JADE1: variants seen among roughly 807,000 people sequenced by gnomAD.
JADE1 encodes the protein protein Jade-1.
JADE1 carries 14 observed loss-of-function variants against 81.8 expected under a neutral mutation model. The ratio of observed to expected loss-of-function variants is 0.17; its 90% CI spans 0.11 to 0.27. The LOEUF (loss-of-function observed/expected upper bound fraction) is 0.27, where lower values mean the gene tolerates loss of function less well. JADE1 is among the 10% of genes least tolerant of loss of function. The probability of loss-of-function intolerance (pLI) is 1.00; values close to 1 mark genes in which losing one functional copy is unlikely to be tolerated. For missense variants in JADE1, 690 were observed against 1,047.9 expected (o/e 0.66, Z 4.71); for synonymous variants, 353 against 391.9 (o/e 0.90, Z 1.17).
At chr4:128,862,585 G>T (rs1477164834) in intron 9 of JADE1, 7 of 1,078,492 alleles carry the variant, frequency 6.5e-6, no homozygotes, top group Non-Finnish European at 7.9e-6. Flanking sequence ...ACTCAGGATG[G>T]TTTACAGACT....
intron 1 of JADE1, among the ~76,000 whole-genome samples, chr4:128,831,261 T>C (rs1728525551): frequency 6.6e-6 from 1 of 152,138 alleles, no homozygotes; most frequent in East Asian, 1.9e-4. Context: ...TTTAGTAAAA[T>C]TTGCCTGAGA....
intron 1 of JADE1, among the ~76,000 whole-genome samples, chr4:128,813,407 C>CTTTTTTTTTTTTTTTTTT (rs72296886): frequency 4.3e-5 from 5 of 115,568 alleles, no homozygotes; most frequent in East Asian, 2.5e-4. Flanking sequence ...CTTACGGTCA[C>CTTTTTTTTTTTTTTTTTT]TTTTTTTTTT....
chr4:128,863,464 C>T (rs1490069700), intron 9 of JADE1: 2 of 983,972 alleles, frequency 2.0e-6, no homozygotes, highest in African/African-American at 1.8e-5. Context: ...TCATGGAGAC[C>T]TGCATGGCCC....
chr4:128,840,189 T>C (rs1013570231), intron 2 of JADE1, among the ~76,000 whole-genome samples: 1 of 152,218 alleles, frequency 6.6e-6, no homozygotes, highest in African/African-American at 2.4e-5. Context: ...TTGGGTTGTG[T>C]TCTATGCCAG....
intron 8 of JADE1, among the ~76,000 whole-genome samples, chr4:128,859,473 G>A (rs1327093826): frequency 1.3e-5 from 2 of 151,162 alleles, no homozygotes; most frequent in Admixed American, 1.3e-4. Flanking sequence ...GTATGCACAT[G>A]AGTATGCATG....
chr4:128,854,147 G>A (rs1730599951), intron 6 of JADE1, among the ~76,000 whole-genome samples: 1 of 151,654 alleles, frequency 6.6e-6, no homozygotes, highest in Non-Finnish European at 1.5e-5. Context: ...CAACCCCTGT[G>A]TTATCAGTGA....
chr4:128,842,983 G>T lies in JADE1; in HGVS notation c.83G>T (p.Arg28Leu). 1.2e-6 allele frequency: 2 copies of T among 1,613,954 alleles called. No homozygotes were observed. The highest frequency in any genetic ancestry group is 4.5e-5 in the East Asian group (2 of 44,864). ...SLSTTWSQNSRSQHRRSSCSR... is the reference protein window; with the variant it reads ...SLSTTWSQNSLSQHRRSSCSR... ...TCAACTACTTGGTCCCAGAATTCCC[G>T]ATCCCAGCATAGGAGAAGCTCCTGC... The change falls in exon 3 of 11, where the codon CGA becomes CTA. Residue 28 changes from arginine (R) to leucine (L), a missense_variant. By Grantham distance (102) the Arg-to-Leu change is moderately radical. This residue lies in a region of JADE1 where 59 missense variants were observed against 52.8 expected (regional missense o/e 1.12). Coordinates refer to ENST00000226319, the MANE Select transcript of JADE1 (RefSeq NM_199320.4).
chr4:128,830,026 C>T lies in JADE1; in HGVS notation c.-26-1707C>T, dbSNP rs547328429. On this transcript the variant is annotated intron_variant, in intron 1 of 10. Transcript: ENST00000226319. ...CTGAGTAGCTGGGATTACAGATGCG[C>T]GCCACCACGCACGGCTAATTTTTGT... 1.8e-4 allele frequency among the ~76,000 whole-genome samples: 27 copies of T among 149,680 alleles called. No homozygotes were observed. In the East Asian group the frequency reaches 3.2e-3, roughly 18 times the overall value.
At chr4:128,854,683 C>G (rs1011167025) in intron 6 of JADE1, among the ~76,000 whole-genome samples, 4 of 152,314 alleles carry the variant, frequency 2.6e-5, no homozygotes, top group East Asian at 3.9e-4. Context: ...CTGTGACTCT[C>G]GACTTCCTGA....
Position 128,872,276 on chromosome 4 carries a change from A to T in JADE1, c.*14A>T, listed in dbSNP as rs367689403. On this transcript the variant is annotated 3_prime_UTR_variant, in exon 11 of 11. Coordinates refer to ENST00000226319, the MANE Select transcript of JADE1 (RefSeq NM_199320.4). ...TTGGCTTCTTGATGCAACAGAGATG[A>T]TGCGGAAGCCCTTTGGGCTCGTCAT... 2.1e-4 allele frequency: 334 copies of T among 1,608,816 alleles called. No homozygotes were observed. The highest frequency in any genetic ancestry group is 2.6e-4 in the Non-Finnish European group (304 of 1,176,120).
At chr4:128,826,195 CAG>C (rs1486727022) in intron 1 of JADE1, among the ~76,000 whole-genome samples, 2 of 152,160 alleles carry the variant, frequency 1.3e-5, no homozygotes, top group East Asian at 3.8e-4. Context: ...AACAGAATGT[CAG>C]GGTGAGCCGT....
chr4:128,864,423 C>T, intron 9 of JADE1: 5 of 984,724 alleles, frequency 5.1e-6, no homozygotes, highest in Non-Finnish European at 6.0e-6. Context: ...TGGGATTACG[C>T]CACTGTACCC....
chr4:128,857,547 A>G, intron 8 of JADE1, 93 bp downstream of exon 8: 1 of 978,760 alleles, frequency 1.0e-6, no homozygotes, highest in Non-Finnish European at 1.6e-6. Context: ...AAGGGTTTGG[A>G]GAGGGGACTA....
At chr4:128,862,721 C>T (rs1285914742) in intron 9 of JADE1, 16 of 1,005,502 alleles carry the variant, frequency 1.6e-5, no homozygotes, top group Non-Finnish European at 1.8e-5. Flanking sequence ...CTAAGCACGG[C>T]TGCTCACTGG....
chr4:128,826,666 G>C (rs1728104953), intron 1 of JADE1, among the ~76,000 whole-genome samples: 1 of 151,732 alleles, frequency 6.6e-6, no homozygotes, highest in Non-Finnish European at 1.5e-5. Flanking sequence ...CTCCCAAAGT[G>C]CTGAGATTAC....
intron 2 of JADE1, among the ~76,000 whole-genome samples, chr4:128,838,039 G>A (rs1437424679): frequency 5.3e-5 from 8 of 152,156 alleles, no homozygotes; most frequent in Non-Finnish European, 7.3e-5. Flanking sequence ...TAGATCTAGG[G>A]CAAGACAGCA....
intron 9 of JADE1, chr4:128,863,231 T>C: frequency 1.0e-6 from 1 of 985,552 alleles, no homozygotes; most frequent in Non-Finnish European, 1.2e-6. Context: ...GGCCTCCTGC[T>C]CCCTGTAGGT....
intron 6 of JADE1, among the ~76,000 whole-genome samples, chr4:128,854,231 T>C (rs1730608415): frequency 6.6e-6 from 1 of 152,162 alleles, no homozygotes; most frequent in Non-Finnish European, 1.5e-5. Flanking sequence ...TTAAGGCTTT[T>C]GGATGCCCCC....
At chr4:128,814,572 T>TTC (rs1198647834) in intron 1 of JADE1, among the ~76,000 whole-genome samples, 55 of 151,554 alleles carry the variant, frequency 3.6e-4, no homozygotes, top group African/African-American at 1.3e-3. Context: ...TTTTTCTTTT[T>TTC]TTTTTTTTTT....
Sources: gnomAD v4.1 joint callset for allele counts (sites outside exome capture counted in the v4.1 genomes callset) on GRCh38, gnomAD v4.1.1 for gene constraint, gnomAD v4.1.1 regional missense constraint, MANE v1.5 for transcripts, NCBI Gene and HGNC (gene_info 2026-07-23, HGNC 2026-07-21) for gene names.